KCNJ16: variants seen among roughly 807,000 people sequenced by gnomAD.
KCNJ16 encodes inward rectifier potassium channel 16.
In KCNJ16, 15 loss-of-function variants were observed where a neutral mutation model predicts 18.5. The ratio of observed to expected loss-of-function variants is 0.81; its 90% CI spans 0.54 to 1.25. The LOEUF (loss-of-function observed/expected upper bound fraction) is 1.25. Ranked by LOEUF, KCNJ16 falls within the 50% of genes most tolerant of loss-of-function variation. The probability of loss-of-function intolerance (pLI) is 0.00; values close to 1 mark genes in which losing one functional copy is unlikely to be tolerated. For synonymous variants in KCNJ16, 174 were observed against 186.5 expected (o/e 0.93, Z 0.55); for missense variants, 523 against 525.7 (o/e 0.99, Z 0.05).
chr17:70,133,442 GT>G lies in KCNJ16; in HGVS notation c.*102del. ...GCTTTTTTGAAAGTGTTATGGCTAT[GT>G]TTTATGATGATGCTGGGTAAGTAGA... On this transcript the variant is annotated 3_prime_UTR_variant, in exon 4 of 4. Coordinates refer to ENST00000392671, the MANE Select transcript of KCNJ16 (RefSeq NM_170741.4). The G allele has an allele frequency of 1.1e-6, 1 of 930,468 alleles. No individual in the cohort carries two copies. Among genetic ancestry groups the G allele is most frequent in the Non-Finnish European group, 1.6e-6 (1 of 611,980 alleles). 57.6% of individuals were successfully genotyped at this position (930,468 alleles called of 1,614,324 possible). A position where few individuals can be genotyped will look rare whatever the true frequency, so the allele number is the denominator to read the frequency against.
chr17:70,106,934 C>A (rs1376181739), intron 2 of KCNJ16, among the ~76,000 whole-genome samples: 1 of 152,138 alleles, frequency 6.6e-6, no homozygotes, highest in Non-Finnish European at 1.5e-5. Context: ...TAATAGGCCA[C>A]CCCCTTAATA....
At chr17:70,081,931 A>G (rs2071573326) in intron 1 of KCNJ16, among the ~76,000 whole-genome samples, 1 of 152,150 alleles carries the variant, frequency 6.6e-6, no homozygotes, top group South Asian at 2.1e-4. Flanking sequence ...TAGACATGAA[A>G]ATAATAGCAT....
intron 2 of KCNJ16, among the ~76,000 whole-genome samples, chr17:70,117,065 T>C (rs1181286623): frequency 6.6e-6 from 1 of 152,114 alleles, no homozygotes; most frequent in Non-Finnish European, 1.5e-5. Context: ...TGCCCATCAA[T>C]GGTGGACTGG....
At chr17:70,076,646 C>A (rs1292003752) in intron 1 of KCNJ16, among the ~76,000 whole-genome samples, 3 of 152,060 alleles carry the variant, frequency 2.0e-5, no homozygotes, top group African/African-American at 7.2e-5. Flanking sequence ...ATGCATTTTT[C>A]TCAACAAGAA....
At chr17:70,091,881 G>A (rs1384950639) in intron 1 of KCNJ16, among the ~76,000 whole-genome samples, 1 of 152,102 alleles carries the variant, frequency 6.6e-6, no homozygotes, top group Non-Finnish European at 1.5e-5. Context: ...GTCTATGCAA[G>A]TAAATGTTAA....
At chr17:70,123,214 T>C (rs949087785) in intron 2 of KCNJ16, among the ~76,000 whole-genome samples, 6 of 152,148 alleles carry the variant, frequency 3.9e-5, no homozygotes, top group African/African-American at 1.4e-4. Context: ...TTTCAACCCA[T>C]GCCCACACTC....
chr17:70,121,150 G>T (rs946013176), intron 2 of KCNJ16, among the ~76,000 whole-genome samples: 1 of 152,114 alleles, frequency 6.6e-6, no homozygotes, highest in African/African-American at 2.4e-5. Context: ...GATGGCAGGG[G>T]TATCAATGAC....
chr17:70,133,150 A>G lies in KCNJ16; in HGVS notation c.1063A>G (p.Lys355Glu). The change falls in exon 4 of 4, where the codon AAA becomes GAA. Residue 355 changes from lysine (K) to glutamate (E), a missense_variant. Physicochemically the swap from Lys to Glu is moderately conservative, Grantham distance 56. Coordinates refer to ENST00000392671, the MANE Select transcript of KCNJ16 (RefSeq NM_170741.4). ...DWKDQQLHIE[K>E]APPVRESCTS... ...GAAAGACCAGCAGCTCCACATAGAAAAAGCACCACCAGTTCGAGAATCCTG... is the reference window on the plus strand; with the variant it reads ...GAAAGACCAGCAGCTCCACATAGAAGAAGCACCACCAGTTCGAGAATCCTG... The G allele has an allele frequency of 6.2e-7, 1 of 1,614,222 alleles. No individual in the cohort carries two copies. Among genetic ancestry groups the G allele is most frequent in the Non-Finnish European group, 8.5e-7 (1 of 1,180,036 alleles).
rs2074146375 is a variant in KCNJ16, at chr17:70,133,771, A to C, written c.*427A>C. ...ATGAAGATTTACCATAAAAAGTATCATATCTAACCAAGATATGCAAAAGAT... is the reference window on the plus strand; with the variant it reads ...ATGAAGATTTACCATAAAAAGTATCCTATCTAACCAAGATATGCAAAAGAT... On this transcript the variant is annotated 3_prime_UTR_variant, in exon 4 of 4. Coordinates refer to ENST00000392671, the MANE Select transcript of KCNJ16 (RefSeq NM_170741.4). 1 of 172,296 alleles carries C rather than the reference A, an allele frequency of 5.8e-6. No individual in the cohort carries two copies. Among genetic ancestry groups the C allele is most frequent in the Non-Finnish European group, 1.4e-5 (1 of 71,296 alleles). The allele number at this position is 172,296 out of a possible 1,614,324, so 10.7% of individuals were successfully genotyped here.
chr17:70,080,743 C>T (rs958854822), intron 1 of KCNJ16, among the ~76,000 whole-genome samples: 26 of 152,310 alleles, frequency 1.7e-4, no homozygotes, highest in African/African-American at 6.3e-4. Context: ...CAACTATGTG[C>T]TCTCCTCATC....
Position 70,130,874 on chromosome 17 carries a change from C to T in KCNJ16, c.-190-5C>T, listed in dbSNP as rs138385854. On this transcript the variant is annotated splice_region_variant and splice_polypyrimidine_tract_variant and intron_variant, in intron 2 of 3. Coordinates refer to ENST00000392671, the MANE Select transcript of KCNJ16 (RefSeq NM_170741.4). ...AATACTTTTATTTTTGTTTGTTTTG[C>T]ACAGGAGTAACTCAAGATGATTTTG... is the stretch of plus-strand genomic sequence containing the variant. 9 of 1,174,822 alleles carry T rather than the reference C, an allele frequency of 7.7e-6. No homozygotes were observed. Among genetic ancestry groups the T allele is most frequent in the Non-Finnish European group, 1.1e-5 (9 of 818,364 alleles). The allele number at this position is 1,174,822 out of a possible 1,614,324, so 72.8% of individuals were successfully genotyped here. A position where few individuals can be genotyped will look rare whatever the true frequency, so the allele number is the denominator to read the frequency against.
rs552220704 is a variant in KCNJ16, at chr17:70,131,330, AT to A, written c.-94+364del. The A allele has an allele frequency of 8.5e-5, 91 of 1,071,986 alleles. No individual in the cohort carries two copies. In the East Asian group the frequency reaches 2.0e-3, roughly 24 times the overall value. The allele number at this position is 1,071,986 out of a possible 1,614,324, so 66.4% of individuals were successfully genotyped here. On this transcript the variant is annotated intron_variant, in intron 3 of 3. Coordinates refer to ENST00000392671, the MANE Select transcript of KCNJ16 (RefSeq NM_170741.4). ...GGTCCACTGAGGTTAAGAAAGATGC[AT>A]TTTTTTTTCTTTTCTTTCAAGACTA...
At chr17:70,083,315 T>C (rs2071636138) in intron 1 of KCNJ16, among the ~76,000 whole-genome samples, 1 of 148,226 alleles carries the variant, frequency 6.7e-6, no homozygotes, top group Admixed American at 6.8e-5. Context: ...ATGTATTAGA[T>C]ATATACTATA....
intron 2 of KCNJ16, among the ~76,000 whole-genome samples, chr17:70,123,302 T>C (rs570524850): frequency 5.8e-4 from 89 of 152,324 alleles, no homozygotes; most frequent in African/African-American, 1.8e-3. Flanking sequence ...GCATCAAATA[T>C]AAGAAGATAG....
intron 1 of KCNJ16, among the ~76,000 whole-genome samples, chr17:70,075,635 A>G (rs564688719): frequency 2.0e-5 from 3 of 152,308 alleles, no homozygotes; most frequent in East Asian, 3.9e-4. Flanking sequence ...GTGTTTACAG[A>G]GTCTGTTAAA....
intron 2 of KCNJ16, among the ~76,000 whole-genome samples, chr17:70,112,285 A>C (rs1414038832): frequency 6.6e-6 from 1 of 152,080 alleles, no homozygotes; most frequent in Admixed American, 6.6e-5. Context: ...TTCTCTCGTA[A>C]ATGTTTCTGG....
rs1232901866 is a variant in KCNJ16, at chr17:70,132,687, G to A, written c.600G>A (p.Met200Ile). The change falls in exon 4 of 4, where the codon ATG (methionine) becomes ATA (isoleucine). Residue 200 changes from methionine (M) to isoleucine (I), a missense_variant. By Grantham distance (10) the Met-to-Ile change is conservative. Coordinates refer to ENST00000392671, the MANE Select transcript of KCNJ16 (RefSeq NM_170741.4). ...TGAGAGATGGGAAGCTTTGCCTCATGTGGCGCATTGGTGATTTTCGGCCAA... is the reference window on the plus strand; with the variant it reads ...TGAGAGATGGGAAGCTTTGCCTCATATGGCGCATTGGTGATTTTCGGCCAA... ...IGMRDGKLCL[M>I]WRIGDFRPNH... 6.2e-7 allele frequency: 1 copy of A among 1,614,084 alleles called. No homozygotes were observed. Among genetic ancestry groups the A allele is most frequent in the South Asian group, 1.1e-5 (1 of 91,086 alleles).
At chr17:70,075,582 CTTAAG>C (rs1402574179) in intron 1 of KCNJ16, among the ~76,000 whole-genome samples, 192 bp downstream of exon 1, 3 of 152,040 alleles carry the variant, frequency 2.0e-5, no homozygotes, top group Non-Finnish European at 1.5e-5. Context: ...TGTCATATTC[CTTAAG>C]TTATTTTGAA....
intron 2 of KCNJ16, among the ~76,000 whole-genome samples, chr17:70,125,333 A>G (rs1321421235): frequency 2.6e-5 from 4 of 152,056 alleles, no homozygotes; most frequent in African/African-American, 9.7e-5. Context: ...GCTTTGAGGA[A>G]CTAGTGAAAG....
Sources: gnomAD v4.1 joint callset for allele counts (sites outside exome capture counted in the v4.1 genomes callset) on GRCh38, gnomAD v4.1.1 for gene constraint, MANE v1.5 for transcripts, NCBI Gene and HGNC (gene_info 2026-07-23, HGNC 2026-07-21) for gene names.